The following OGDHL variants were observed in gnomAD, a reference collection of about 807,000 sequenced individuals.
The protein encoded by OGDHL is 2-oxoglutarate dehydrogenase-like, mitochondrial.
Under a neutral mutation model 109.6 loss-of-function variants are expected in OGDHL, and 79 were observed. The ratio of observed to expected loss-of-function variants is 0.72; its 90% CI spans 0.60 to 0.87. The LOEUF (loss-of-function observed/expected upper bound fraction) is 0.87, where lower values mean the gene tolerates loss of function less well. OGDHL is among the 40% of genes least tolerant of loss of function. OGDHL has a pLI of 0.00. For missense variants in OGDHL, 1,275 were observed against 1,362.2 expected (o/e 0.94, Z 1.01); for synonymous variants, 528 against 537.2 (o/e 0.98, Z 0.24).
intron 17 of OGDHL, chr10:49,738,533 G>C: frequency 2.0e-6 from 1 of 501,142 alleles, no homozygotes; most frequent in Non-Finnish European, 3.6e-6. Context: ...TGCTTTCTCT[G>C]GAATGTCCTG....
In OGDHL at chr10:49,745,536, C is replaced by T. The variant is rs750441729; in HGVS notation, c.1477-40G>A. 7 of 1,610,128 alleles carry T rather than the reference C, an allele frequency of 4.3e-6. No individual in the cohort carries two copies. In the East Asian group the frequency reaches 1.6e-4, roughly 36 times the overall value. On this transcript the variant is annotated intron_variant, in intron 11 of 22. Transcript: ENST00000374103. ...AGAGGGGCTCAGGCCCTTCCCTACG[C>T]TGTGTGGTCAATGTAGCTGCTGCAA... is the stretch of plus-strand genomic sequence containing the variant.
At chr10:49,743,782 T>G in intron 14 of OGDHL, 2 of 500,296 alleles carry the variant, frequency 4.0e-6, no homozygotes, top group Non-Finnish European at 7.0e-6. Context: ...CAGCTGGGAG[T>G]GTGGCATCTG....
intron 20 of OGDHL, 138 bp from the exon 21 acceptor site, chr10:49,736,658 C>G: frequency 2.3e-6 from 2 of 871,106 alleles, no homozygotes; most frequent in Non-Finnish European, 3.4e-6. Flanking sequence ...CAGTGGACAC[C>G]TCTTGAACTA....
chr10:49,749,752 C>T lies in OGDHL; in HGVS notation c.961G>A (p.Asp321Asn). The T allele has an allele frequency of 6.3e-7, 1 of 1,599,476 alleles. No homozygotes were observed. The highest frequency in any genetic ancestry group is 2.2e-5 in the East Asian group (1 of 44,516). Residue 321 changes from aspartate to asparagine, a missense_variant, in exon 8 of 23, where the codon GAC becomes AAC. Coordinates refer to ENST00000374103, the MANE Select transcript of OGDHL (RefSeq NM_018245.3). ...KDLEQIFCQF[D>N]PKLEAADEGS... ...TCGTCCGCCGCCTCCAGCTTGGGGT[C>T]AAACTGGCAGAAGATCTGCTCCAGG...
At chr10:49,741,824 A>C (rs1468795818) in intron 15 of OGDHL, among the ~76,000 whole-genome samples, 1 of 147,048 alleles carries the variant, frequency 6.8e-6, no homozygotes, top group Non-Finnish European at 1.5e-5. Flanking sequence ...ACACATATAC[A>C]CCACACACAT....
chr10:49,759,759 T>C (rs1843153259), intron 1 of OGDHL, among the ~76,000 whole-genome samples: 2 of 152,146 alleles, frequency 1.3e-5, no homozygotes, highest in African/African-American at 4.8e-5. Flanking sequence ...GCTAATGCCC[T>C]CCTGCCCAGA....
At chr10:49,735,964 G>T in intron 22 of OGDHL, 59 bp downstream of exon 22, 2 of 1,503,566 alleles carry the variant, frequency 1.3e-6, no homozygotes, top group Non-Finnish European at 1.8e-6. Flanking sequence ...TGGGACAGAT[G>T]GAGCCAGGAC....
At chr10:49,759,828 G>C (rs1261012375) in intron 1 of OGDHL, among the ~76,000 whole-genome samples, 4 of 152,222 alleles carry the variant, frequency 2.6e-5, no homozygotes, top group African/African-American at 9.6e-5. Flanking sequence ...CCAGGCGGGA[G>C]GAGTCCCCTA....
chr10:49,743,212 G>A (rs1217144742), intron 14 of OGDHL, among the ~76,000 whole-genome samples: 8 of 152,210 alleles, frequency 5.3e-5, no homozygotes, highest in African/African-American at 1.9e-4. Context: ...CATTGGCCAC[G>A]TTGCAGACAC....
Position 49,747,037 on chromosome 10 carries a change from C to T in OGDHL, c.1159G>A (p.Gly387Ser). Reference protein sequence around the residue: ...AEQFYRGDAQGKKVMSILVHG... With the variant: ...AEQFYRGDAQSKKVMSILVHG... ...CCCCCAGGTGAGCTCACCTTCTTGC[C>T]CTGGGCATCTCCACGGTAGAACTGC... Residue 387 changes from glycine to serine, a missense_variant, in exon 9 of 23, where the codon GGC (glycine) becomes AGC (serine). Gly to Ser is a moderately conservative substitution (Grantham distance 56). Coordinates refer to ENST00000374103, the MANE Select transcript of OGDHL (RefSeq NM_018245.3). The T allele has an allele frequency of 3.7e-6, 6 of 1,613,990 alleles. No individual in the cohort carries two copies. The highest frequency in any genetic ancestry group is 4.2e-6 in the Non-Finnish European group (5 of 1,179,874).
At chr10:49,746,082 G>A in intron 10 of OGDHL, 105 bp from the exon 11 acceptor site, 2 of 1,287,970 alleles carry the variant, frequency 1.6e-6, no homozygotes, top group Non-Finnish European at 2.1e-6. Flanking sequence ...GTCCACTGAG[G>A]TGCCCAGGAG....
chr10:49,736,033 G>T lies in OGDHL; in HGVS notation c.2899C>A (p.Arg967=). ...GGCCCCACCATGTACCATATGGGCC[G>T]TGCGCGCCTCAGGATGGTCATGAAG... ...PRFMTILRRA[R]PIWYVGRDPA... The change falls in exon 22 of 23, where the codon CGG becomes AGG. Residue 967 remains arginine (R), a synonymous_variant. Coordinates refer to ENST00000374103, the MANE Select transcript of OGDHL (RefSeq NM_018245.3). 1 of 1,585,522 alleles carries T rather than the reference G, an allele frequency of 6.3e-7. No individual in the cohort carries two copies. The highest frequency in any genetic ancestry group is 8.6e-7 in the Non-Finnish European group (1 of 1,166,788).
intron 3 of OGDHL, among the ~76,000 whole-genome samples, chr10:49,753,606 G>A (rs758764965): frequency 2.6e-5 from 4 of 152,098 alleles, no homozygotes; most frequent in African/African-American, 9.7e-5. Flanking sequence ...GAATTGTTAT[G>A]CTGGCTGGGC....
chr10:49,752,374 T>C (rs898835594), intron 4 of OGDHL, 126 bp from the exon 5 acceptor site: 4 of 769,566 alleles, frequency 5.2e-6, no homozygotes, highest in African/African-American at 3.4e-5. Context: ...GGGTCCAACC[T>C]GGGGAGCAGA....
In OGDHL at chr10:49,747,076, T is replaced by C; in HGVS notation, c.1120A>G (p.Lys374Glu). ...LEAVDPVVQG[K>E]TKAEQFYRGD... ...CGGTAGAACTGCTCTGCCTTTGTCT[T>C]CCCCTGCACCACAGGGTCCACTGCC... The change falls in exon 9 of 23, where the codon AAG (lysine) becomes GAG (glutamate). Residue 374 changes from lysine (K) to glutamate (E), a missense_variant. By Grantham distance (56) the Lys-to-Glu change is moderately conservative. Transcript: ENST00000374103. 6.2e-7 allele frequency: 1 copy of C among 1,614,154 alleles called. No homozygotes were observed. Among genetic ancestry groups the C allele is most frequent in the South Asian group, 1.1e-5 (1 of 91,082 alleles).
chr10:49,738,573 G>T, intron 17 of OGDHL: 1 of 432,674 alleles, frequency 2.3e-6, no homozygotes. Flanking sequence ...CTGAGCACCT[G>T]CTGTACAGGA....
In OGDHL at chr10:49,742,754, C is replaced by T. The variant is rs1303458918; in HGVS notation, c.2012+74G>A. 10 of 1,523,848 alleles carry T rather than the reference C, an allele frequency of 6.6e-6. No individual in the cohort carries two copies. In the South Asian group the frequency reaches 1.1e-4, roughly 17 times the overall value. 94.4% of individuals were successfully genotyped at this position (1,523,848 alleles called of 1,614,324 possible). A position where few individuals can be genotyped will look rare whatever the true frequency, so the allele number is the denominator to read the frequency against. On this transcript the variant is annotated intron_variant, in intron 15 of 22. Coordinates refer to ENST00000374103, the MANE Select transcript of OGDHL (RefSeq NM_018245.3). ...GAAGATCCCACCCCAACAAAGGCCC[C>T]CTCGGGATCCCCAAGCCAGGCCCAG...
At position 49,743,117 on chromosome 10, in the gene OGDHL, G is replaced by T. The variant is rs1841913821; in HGVS notation, c.1862-139C>A. 5 of 1,146,230 alleles carry T rather than the reference G, an allele frequency of 4.4e-6. No homozygotes were observed. The South Asian group carries it at 6.5e-5, about 15-fold the overall frequency. 71.0% of individuals were successfully genotyped at this position (1,146,230 alleles called of 1,614,324 possible). A position where few individuals can be genotyped will look rare whatever the true frequency, so the allele number is the denominator to read the frequency against. ...TGGAGGGCAGGGATGCTGCAGGAGGGCCCAGGGCCAGGCACCCCTCCTCCA... is the reference window on the plus strand; with the variant it reads ...TGGAGGGCAGGGATGCTGCAGGAGGTCCCAGGGCCAGGCACCCCTCCTCCA... On this transcript the variant is annotated intron_variant, in intron 14 of 22. Transcript: ENST00000374103.
intron 14 of OGDHL, 76 bp from the exon 15 acceptor site, chr10:49,743,054 A>C: frequency 6.5e-7 from 1 of 1,528,166 alleles, no homozygotes; most frequent in Non-Finnish European, 8.8e-7. Flanking sequence ...CTCAGCACAC[A>C]CCCCGCACAA....
Sources: gnomAD v4.1 joint callset for allele counts (sites outside exome capture counted in the v4.1 genomes callset) on GRCh38, gnomAD v4.1.1 for gene constraint, MANE v1.5 for transcripts, NCBI Gene and HGNC (gene_info 2026-07-23, HGNC 2026-07-21) for gene names.